Variants in PLEKHA8 observed in about 807,000 individuals in gnomAD.
The protein encoded by PLEKHA8 is pleckstrin homology domain-containing family A member 8.
Under a neutral mutation model 68.2 loss-of-function variants are expected in PLEKHA8, and 36 were observed. That is an observed-to-expected ratio of 0.53 (90% CI 0.40 to 0.70). PLEKHA8 has a LOEUF of 0.70. Among genes scored for constraint, PLEKHA8 ranks in the 30% least tolerant of loss-of-function variants. The pLI is 0.00. For synonymous variants in PLEKHA8, 211 were observed against 216.1 expected (o/e 0.98, Z 0.20); for missense variants, 505 against 615.4 (o/e 0.82, Z 1.90).
chr7:30,093,117 A>G (rs1006512826), downstream of PLEKHA8, among the ~76,000 whole-genome samples: 1 of 152,226 alleles, frequency 6.6e-6, no homozygotes, highest in Non-Finnish European at 1.5e-5. Flanking sequence ...TGGGGTTAAC[A>G]GAAGAAAATT....
intron 4 of PLEKHA8, among the ~76,000 whole-genome samples, chr7:30,048,960 G>A (rs1470862400): frequency 1.3e-5 from 2 of 152,148 alleles, no homozygotes; most frequent in Non-Finnish European, 2.9e-5. Context: ...GACTGAGGGA[G>A]TTACAACTAA....
intron 12 of PLEKHA8, among the ~76,000 whole-genome samples, chr7:30,065,117 A>T (rs909028186): frequency 6.6e-6 from 1 of 152,120 alleles, no homozygotes; most frequent in African/African-American, 2.4e-5. Context: ...CAGGGGATGT[A>T]TTGACTTTGT....
intron 12 of PLEKHA8, among the ~76,000 whole-genome samples, chr7:30,063,133 A>C (rs1243162414): frequency 2.6e-5 from 4 of 152,196 alleles, no homozygotes; most frequent in Non-Finnish European, 2.9e-5. Context: ...GGGGAATCCC[A>C]GGGATTTGTT....
intron 13 of PLEKHA8, among the ~76,000 whole-genome samples, chr7:30,098,246 GC>G (rs1179757193): frequency 6.6e-6 from 1 of 152,244 alleles, no homozygotes; most frequent in Middle Eastern, 3.2e-3. Context: ...ACTGGGGAGT[GC>G]CTCCCAGTTA....
At position 30,081,790 on chromosome 7, in the gene PLEKHA8, A is replaced by G; in HGVS notation, c.*3003A>G. 1 of 985,418 alleles carries G rather than the reference A, an allele frequency of 1.0e-6. No individual in the cohort carries two copies. The highest frequency in any genetic ancestry group is 1.2e-6 in the Non-Finnish European group (1 of 829,896). The allele number at this position is 985,418 out of a possible 1,614,324, so 61.0% of individuals were successfully genotyped here. A position where few individuals can be genotyped will look rare whatever the true frequency, so the allele number is the denominator to read the frequency against. On this transcript the variant is annotated 3_prime_UTR_variant, in exon 14 of 14. Coordinates refer to ENST00000449726, the MANE Select transcript of PLEKHA8 (RefSeq NM_001197026.2). ...ACATTAGGCTAACCCCTTATGAGAC[A>G]TTTCCACACAATTTCATCGTGCCTG...
rs1309964605 is a variant in PLEKHA8 at position 30,084,212 on chromosome 7, A to G, written c.*5425A>G. 3 of 985,134 alleles carry G rather than the reference A, an allele frequency of 3.0e-6. No individual in the cohort carries two copies. Among genetic ancestry groups the G allele is most frequent in the South Asian group, 9.4e-5 (2 of 21,296 alleles). 61.0% of individuals were successfully genotyped at this position (985,134 alleles called of 1,614,324 possible). A position where few individuals can be genotyped will look rare whatever the true frequency, so the allele number is the denominator to read the frequency against. ...AGATGCCAAAGGCTAAAATGTACAT[A>G]GATTTCCTTGGATTAATTTTTAAGT... is the stretch of plus-strand genomic sequence containing the variant. On this transcript the variant is annotated 3_prime_UTR_variant, in exon 14 of 14. Coordinates refer to ENST00000449726, the MANE Select transcript of PLEKHA8 (RefSeq NM_001197026.2).
At chr7:30,045,240 C>A in intron 2 of PLEKHA8, 39 bp downstream of exon 2, 1 of 1,495,140 alleles carries the variant, frequency 6.7e-7, no homozygotes, top group Non-Finnish European at 9.2e-7. Flanking sequence ...ATTTTTCTTT[C>A]TGTTTTCCCT....
intron 1 of PLEKHA8, among the ~76,000 whole-genome samples, chr7:30,042,016 A>G (rs1791579078): frequency 6.6e-6 from 1 of 152,202 alleles, no homozygotes; most frequent in South Asian, 2.1e-4. Flanking sequence ...TTGAATCAAT[A>G]GACCTTATAA....
intron 4 of PLEKHA8, among the ~76,000 whole-genome samples, chr7:30,048,894 G>A (rs1264725679): frequency 6.6e-6 from 1 of 152,102 alleles, no homozygotes; most frequent in African/African-American, 2.4e-5. Flanking sequence ...TCCTGCTCTT[G>A]GGAAGTTTAT....
intron 1 of PLEKHA8, among the ~76,000 whole-genome samples, chr7:30,030,216 TAC>T (rs1790555721): frequency 6.6e-6 from 1 of 152,182 alleles, no homozygotes; most frequent in Non-Finnish European, 1.5e-5. Context: ...TCCTTTCCAT[TAC>T]ACACACTTTT....
Position 30,028,721 on chromosome 7 carries a change from G to A in PLEKHA8, c.-42G>A. ...TCCTCGCCTCTTGGGGCCTGGGGCA[G>A]TGAGGGGGCCGGCGGGCGTGGGCCG... On this transcript the variant is annotated 5_prime_UTR_variant, in exon 1 of 14. It adds an upstream start codon to the 5' untranslated region. Coordinates refer to ENST00000449726, the MANE Select transcript of PLEKHA8 (RefSeq NM_001197026.2). 8.1e-7 allele frequency: 1 copy of A among 1,239,294 alleles called. No homozygotes were observed. The highest frequency in any genetic ancestry group is 1.0e-6 in the Non-Finnish European group (1 of 981,090). 76.8% of individuals were successfully genotyped at this position (1,239,294 alleles called of 1,614,324 possible).
chr7:30,098,174 C>T (rs947411613), intron 13 of PLEKHA8, among the ~76,000 whole-genome samples: 7 of 152,158 alleles, frequency 4.6e-5, no homozygotes, highest in South Asian at 2.1e-4. Flanking sequence ...GCTGCCTGAT[C>T]GTTCCTCTGG....
chr7:30,050,354 A>AT, intron 5 of PLEKHA8, 80 bp from the exon 6 acceptor site: 1 of 1,488,680 alleles, frequency 6.7e-7, no homozygotes, highest in Non-Finnish European at 8.9e-7. Context: ...CATATTTACC[A>AT]TTTTGTATGT....
intron 6 of PLEKHA8, among the ~76,000 whole-genome samples, chr7:30,052,038 T>A (rs1226595709): frequency 6.6e-6 from 1 of 151,940 alleles, no homozygotes; most frequent in Non-Finnish European, 1.5e-5. Flanking sequence ...GCCAGTGGTG[T>A]AGAGAGAGAG....
At chr7:30,106,449 G>C (rs145026075) in intron 13 of PLEKHA8, among the ~76,000 whole-genome samples, 3 of 152,142 alleles carry the variant, frequency 2.0e-5, no homozygotes, top group South Asian at 4.1e-4. Context: ...ATAGCCACTT[G>C]TCTTGGAATC....
At chr7:30,049,203 T>C (rs1554381346) in intron 4 of PLEKHA8, 21 bp from the exon 5 acceptor site, 2 of 1,613,428 alleles carry the variant, frequency 1.2e-6, no homozygotes, top group South Asian at 1.1e-5. Context: ...AAAGGAGTCT[T>C]CCACTCTGGT....
rs965616166 is a variant in PLEKHA8 at position 30,062,041 on chromosome 7, G to A, written c.1229+14G>A. On this transcript the variant is annotated intron_variant, in intron 11 of 13. Coordinates refer to ENST00000449726, the MANE Select transcript of PLEKHA8 (RefSeq NM_001197026.2). ...GTGGCTGAAGAGGTGAGGCAGCTGG[G>A]GTGGGACAGCAGTTAAAATCTAGCT... The A allele has an allele frequency of 6.2e-7, 1 of 1,603,112 alleles. No individual in the cohort carries two copies. The highest frequency in any genetic ancestry group is 1.3e-5 in the African/African-American group (1 of 74,428).
intron 13 of PLEKHA8, among the ~76,000 whole-genome samples, chr7:30,114,614 A>G (rs772715441): frequency 2.0e-5 from 3 of 151,916 alleles, no homozygotes; most frequent in Admixed American, 1.3e-4. Context: ...TTTTAGTGCT[A>G]TTTATTGTGT....
chr7:30,038,620 T>C (rs1791287189), intron 1 of PLEKHA8, among the ~76,000 whole-genome samples: 1 of 152,192 alleles, frequency 6.6e-6, no homozygotes, highest in South Asian at 2.1e-4. Context: ...ATTAAAGGAC[T>C]ATGCATTTAT....
Sources: gnomAD v4.1 joint callset for allele counts (sites outside exome capture counted in the v4.1 genomes callset) on GRCh38, gnomAD v4.1.1 for gene constraint, MANE v1.5 for transcripts, NCBI Gene and HGNC (gene_info 2026-07-23, HGNC 2026-07-21) for gene names.